SORBS2: variants seen among roughly 807,000 people sequenced by gnomAD.
SORBS2 encodes the protein sorbin and SH3 domain containing 2.
In SORBS2, 46 loss-of-function variants were observed where a neutral mutation model predicts 97.7. That is an observed-to-expected ratio of 0.47 (90% CI 0.37 to 0.60). SORBS2 has a LOEUF of 0.60. Ranked by LOEUF, SORBS2 falls within the 20% of genes least tolerant of loss-of-function variation. SORBS2 has a pLI of 0.00. For missense variants in SORBS2, 1,316 were observed against 1,282.3 expected (o/e 1.03, Z -0.40); for synonymous variants, 476 against 473.4 (o/e 1.01, Z -0.07).
chr4:185,648,617 G>A (rs1318912669), intron 3 of SORBS2, among the ~76,000 whole-genome samples: 1 of 152,074 alleles, frequency 6.6e-6, no homozygotes, highest in East Asian at 1.9e-4. Flanking sequence ...TTAATAACCA[G>A]TATTAATAAG....
upstream of SORBS2, among the ~76,000 whole-genome samples, chr4:185,659,657 G>C (rs559281267): frequency 1.3e-5 from 2 of 151,704 alleles, no homozygotes; most frequent in East Asian, 1.9e-4. Context: ...TCCTGACCTC[G>C]TGATCCACCC....
upstream of SORBS2, chr4:185,657,076 A>G (rs760726851): frequency 3.6e-5 from 14 of 386,136 alleles, no homozygotes; most frequent in Non-Finnish European, 4.6e-5. Flanking sequence ...AAGAATTTCC[A>G]TTGTCTTGTT....
intron 2 of SORBS2, among the ~76,000 whole-genome samples, chr4:185,689,291 C>T (rs1444952885): frequency 6.6e-6 from 1 of 152,204 alleles, no homozygotes; most frequent in Non-Finnish European, 1.5e-5. Context: ...GGAAATATCA[C>T]TTCCTCATGT....
intron 1 of SORBS2, among the ~76,000 whole-genome samples, chr4:185,801,943 A>T (rs1055932802): frequency 2.0e-5 from 3 of 152,206 alleles, no homozygotes; most frequent in African/African-American, 7.2e-5. Flanking sequence ...ACATGAAAGC[A>T]CTGAGGGGGT....
intron 1 of SORBS2, among the ~76,000 whole-genome samples, chr4:185,914,028 T>A (rs2099256758): frequency 6.6e-6 from 1 of 152,140 alleles, no homozygotes; most frequent in Admixed American, 6.5e-5. Context: ...CACACAAAGC[T>A]TAAAAATAAG....
At chr4:185,853,995 A>G (rs1030666974) in intron 1 of SORBS2, among the ~76,000 whole-genome samples, 2 of 152,218 alleles carry the variant, frequency 1.3e-5, no homozygotes, top group African/African-American at 2.4e-5. Context: ...CTGAAATGAA[A>G]TACTCCATAC....
At chr4:185,594,906 CTGTT>C (rs201128352) in intron 12 of SORBS2, among the ~76,000 whole-genome samples, 2,980 of 152,238 alleles carry the variant, frequency 0.02, 93 homozygotes, top group African/African-American at 0.068. Context: ...ATATAAGTGA[CTGTT>C]TGATGACTAC....
At chr4:185,622,307 G>T (rs890283908) in intron 7 of SORBS2, among the ~76,000 whole-genome samples, 7 of 152,078 alleles carry the variant, frequency 4.6e-5, no homozygotes, top group Non-Finnish European at 7.4e-5. Flanking sequence ...TACACTAAAT[G>T]GTGGAAATGG....
intron 1 of SORBS2, among the ~76,000 whole-genome samples, chr4:185,885,030 T>C (rs1473710140): frequency 6.6e-6 from 1 of 152,182 alleles, no homozygotes; most frequent in East Asian, 1.9e-4. Flanking sequence ...CCTGGACTTA[T>C]CTTGAGAAGG....
chr4:185,783,855 T>C (rs190654993), intron 1 of SORBS2, among the ~76,000 whole-genome samples: 16 of 152,348 alleles, frequency 1.1e-4, no homozygotes, highest in Non-Finnish European at 2.2e-4. Context: ...TGAGGTTCTG[T>C]CTGATGTTTT....
At chr4:185,742,396 G>A (rs939939327) in intron 2 of SORBS2, among the ~76,000 whole-genome samples, 1 of 152,122 alleles carries the variant, frequency 6.6e-6, no homozygotes, top group African/African-American at 2.4e-5. Flanking sequence ...GAATAATAAG[G>A]CACCTGCTTC....
intron 1 of SORBS2, among the ~76,000 whole-genome samples, chr4:185,871,414 ATGCC>A (rs1044822942): frequency 1.3e-5 from 2 of 152,232 alleles, no homozygotes; most frequent in Non-Finnish European, 2.9e-5. Context: ...GCTATGAGGA[ATGCC>A]TGGGCCCTCC....
At chr4:185,753,228 C>T (rs1361693142) in intron 2 of SORBS2, among the ~76,000 whole-genome samples, 1 of 152,184 alleles carries the variant, frequency 6.6e-6, no homozygotes, top group Non-Finnish European at 1.5e-5. Flanking sequence ...GACACCAACC[C>T]ATAAACACAA....
rs1013332556 is a variant in SORBS2 at position 185,669,176 on chromosome 4, G to C, written c.-45-6934C>G. 3.9e-5 allele frequency among the ~76,000 whole-genome samples: 6 copies of C among 152,214 alleles called. No individual in the cohort carries two copies. The East Asian group carries it at 1.2e-3, about 29-fold the overall frequency. ...AGGGTGAGCTTCAGCAGTGGAAAAAGTGTATTGAGTTGGATGAAGGCATTG... is the reference window on the plus strand; with the variant it reads ...AGGGTGAGCTTCAGCAGTGGAAAAACTGTATTGAGTTGGATGAAGGCATTG... On this transcript the variant is annotated intron_variant, in intron 4 of 20. Coordinates refer to the SORBS2 transcript ENST00000284776.
intron 1 of SORBS2, among the ~76,000 whole-genome samples, chr4:185,904,532 C>T (rs1021630547): frequency 4.6e-5 from 7 of 152,122 alleles, no homozygotes; most frequent in South Asian, 2.1e-4. Flanking sequence ...ATCTCAAAGG[C>T]GGTTAGGAAC....
intron 5 of SORBS2, 120 bp downstream of exon 8, chr4:185,661,984 G>T: frequency 9.3e-7 from 1 of 1,071,174 alleles, no homozygotes; most frequent in Non-Finnish European, 1.3e-6. Flanking sequence ...GTTTCTCCCT[G>T]GGGATAGGGT....
chr4:185,799,783 C>T (rs1199186784), intron 1 of SORBS2, among the ~76,000 whole-genome samples: 1 of 152,162 alleles, frequency 6.6e-6, no homozygotes, highest in African/African-American at 2.4e-5. Context: ...CCTTTAATGC[C>T]TGGGACTATG....
At chr4:185,905,627 A>T (rs1249952854) in intron 1 of SORBS2, among the ~76,000 whole-genome samples, 1 of 152,152 alleles carries the variant, frequency 6.6e-6, no homozygotes, top group Non-Finnish European at 1.5e-5. Context: ...TCTTTAATAC[A>T]TTTTAAAATA....
At chr4:185,645,701 C>T (rs1394967197) in intron 4 of SORBS2, 2 of 152,188 alleles carry the variant, frequency 1.3e-5, no homozygotes, top group Non-Finnish European at 2.9e-5. Context: ...TCTCTTTTTC[C>T]TGTTCACTGA....
Sources: allele counts gnomAD v4.1 joint callset (sites outside exome capture counted in the v4.1 genomes callset), GRCh38; gene constraint gnomAD v4.1.1; transcripts MANE v1.5; gene names NCBI Gene and HGNC (gene_info 2026-07-23, HGNC 2026-07-21).